The following TNNI3K variants were observed in gnomAD, a reference collection of about 807,000 sequenced individuals.
The protein encoded by TNNI3K is TNNI3 interacting kinase, also known as serine/threonine-protein kinase TNNI3K.
Under a neutral mutation model 114.5 loss-of-function variants are expected in TNNI3K, and 140 were observed. The observed-to-expected ratio is 1.22, with a 90% CI of 1.07 to 1.41. The LOEUF (loss-of-function observed/expected upper bound fraction) is 1.41. Among genes scored for constraint, TNNI3K ranks in the 40% most tolerant of loss-of-function variants. The pLI is 0.00. For missense variants in TNNI3K, 1,125 were observed against 1,007.6 expected (o/e 1.12, Z -1.58); for synonymous variants, 347 against 347.5 (o/e 1.00, Z 0.02).
chr1:74,265,760 C>A (rs564763514), intron 4 of TNNI3K, among the ~76,000 whole-genome samples: 29 of 151,924 alleles, frequency 1.9e-4, no homozygotes, highest in South Asian at 4.1e-4. Context: ...ATTTTACAGA[C>A]AAAAACTGGA....
chr1:74,439,702 C>T (rs1009327866), intron 20 of TNNI3K, 80 bp downstream of exon 20: 1 of 1,575,032 alleles, frequency 6.3e-7, no homozygotes, highest in African/African-American at 1.4e-5. Flanking sequence ...TTTTTTTTCA[C>T]AAAATGATTA....
At chr1:74,360,640 T>C (rs1397153510) in intron 11 of TNNI3K, among the ~76,000 whole-genome samples, 2 of 152,104 alleles carry the variant, frequency 1.3e-5, no homozygotes, top group Non-Finnish European at 2.9e-5. Context: ...TCTGCCTTTA[T>C]GTCCTCTCTG....
At chr1:74,370,537 GA>G in intron 17 of TNNI3K, 145 bp downstream of exon 17, 1 of 549,168 alleles carries the variant, frequency 1.8e-6, no homozygotes, top group Non-Finnish European at 2.9e-6. Context: ...TTAGGCGATA[GA>G]AAGTTTTGTC....
intron 5 of TNNI3K, among the ~76,000 whole-genome samples, chr1:74,319,332 T>C (rs1219506537): frequency 6.6e-6 from 1 of 152,242 alleles, no homozygotes; most frequent in Non-Finnish European, 1.5e-5. Flanking sequence ...AATCTTGTTG[T>C]AACCTATTCT....
At position 74,358,725 on chromosome 1, in the gene TNNI3K, G is replaced by T. The variant is rs1240834645; in HGVS notation, c.1177+4596G>T. On this transcript the variant is annotated intron_variant, in intron 11 of 24. Transcript: ENST00000326637. The stretch of plus-strand genomic sequence containing the variant: ...TGTGAATTTTTGTTTTCGTATACTG[G>T]TTATCTTCTTACATGTTTAGCTGCT... 2.0e-5 allele frequency among the ~76,000 whole-genome samples: 3 copies of T among 151,902 alleles called. No homozygotes were observed. In the South Asian group the frequency reaches 6.2e-4, roughly 32 times the overall value.
intron 5 of TNNI3K, among the ~76,000 whole-genome samples, chr1:74,288,909 T>C (rs1443463408): frequency 6.6e-6 from 1 of 151,986 alleles, no homozygotes; most frequent in African/African-American, 2.4e-5. Context: ...TTGTCAGTTA[T>C]ACCTCAATAA....
intron 5 of TNNI3K, among the ~76,000 whole-genome samples, chr1:74,278,837 A>G (rs1156760360): frequency 2.0e-5 from 3 of 152,172 alleles, no homozygotes; most frequent in Non-Finnish European, 4.4e-5. Context: ...GACATTTTAT[A>G]TAATTGGAAT....
chr1:74,313,658 A>G (rs1161238719), intron 5 of TNNI3K, among the ~76,000 whole-genome samples: 2 of 152,142 alleles, frequency 1.3e-5, no homozygotes, highest in Admixed American at 6.6e-5. Flanking sequence ...GAGTTGCCCT[A>G]CAGAGCTAGA....
intron 2 of TNNI3K, among the ~76,000 whole-genome samples, chr1:74,245,384 C>G (rs1285500134): frequency 1.3e-5 from 2 of 152,102 alleles, no homozygotes; most frequent in East Asian, 3.9e-4. Flanking sequence ...CCTTGAGAGC[C>G]ACAGGTAGCC....
chr1:74,511,286 G>C (rs577478862), intron 23 of TNNI3K, among the ~76,000 whole-genome samples: 5 of 151,602 alleles, frequency 3.3e-5, no homozygotes, highest in Admixed American at 6.6e-5. Flanking sequence ...TCTGCCTCCC[G>C]GGTTCAAGCA....
Position 74,369,438 on chromosome 1 carries a change from G to A in TNNI3K, c.1520G>A (p.Cys507Tyr), listed in dbSNP as rs1336275860. 1 of 1,612,306 alleles carries A rather than the reference G, an allele frequency of 6.2e-7. No individual in the cohort carries two copies. Among genetic ancestry groups the A allele is most frequent in the Non-Finnish European group, 8.5e-7 (1 of 1,179,072 alleles). ...TCCAAGTCAGATGTGGATATGTTTT[G>A]CCGAGAGGTGTCCATTCTCTGCCAG... The part of the protein sequence containing the change: ...YCSKSDVDMF[C>Y]REVSILCQLN... Residue 507 changes from cysteine to tyrosine, a missense_variant, in exon 16 of 25, where the codon TGC becomes TAC. Physicochemically the swap from Cys to Tyr is radical, Grantham distance 194. Transcript: ENST00000326637.
chr1:74,487,956 G>C (rs891454021), intron 21 of TNNI3K, among the ~76,000 whole-genome samples: 1 of 152,102 alleles, frequency 6.6e-6, no homozygotes, highest in Non-Finnish European at 1.5e-5. Flanking sequence ...GGTCATGACA[G>C]GGTCTAGGGT....
chr1:74,397,933 T>A (rs747571355), intron 17 of TNNI3K, among the ~76,000 whole-genome samples: 2 of 152,204 alleles, frequency 1.3e-5, no homozygotes, highest in Non-Finnish European at 2.9e-5. Flanking sequence ...AAATATTCCC[T>A]ATGGAGTGCT....
chr1:74,246,651 G>C (rs935328551), intron 2 of TNNI3K, among the ~76,000 whole-genome samples: 1 of 152,118 alleles, frequency 6.6e-6, no homozygotes, highest in African/African-American at 2.4e-5. Flanking sequence ...TATGTAACCA[G>C]CAGCCTAAGC....
chr1:74,297,822 T>C (rs1658088986), intron 5 of TNNI3K, among the ~76,000 whole-genome samples: 3 of 152,114 alleles, frequency 2.0e-5, no homozygotes, highest in Admixed American at 2.0e-4. Flanking sequence ...GAAAGTCACA[T>C]AGCATCACTT....
intron 5 of TNNI3K, among the ~76,000 whole-genome samples, chr1:74,297,506 G>T (rs930538352): frequency 8.0e-6 from 1 of 125,128 alleles, no homozygotes; most frequent in Non-Finnish European, 1.7e-5. Flanking sequence ...TTGGCATCTT[G>T]TCCAGTGTGT....
intron 12 of TNNI3K, 88 bp from the exon 13 acceptor site, chr1:74,367,820 C>T (rs540779331): frequency 2.3e-5 from 29 of 1,277,448 alleles, no homozygotes; most frequent in Middle Eastern, 2.6e-4. Context: ...TACTTCGTTT[C>T]GTCACCTGCT....
At chr1:74,430,322 A>G (rs72969825) in intron 17 of TNNI3K, among the ~76,000 whole-genome samples, 19 of 152,250 alleles carry the variant, frequency 1.2e-4, no homozygotes, top group African/African-American at 4.6e-4. Context: ...TCCTTACATA[A>G]TGACTTCATT....
chr1:74,483,205 G>A (rs1035736884), intron 21 of TNNI3K: 13 of 709,746 alleles, frequency 1.8e-5, no homozygotes, highest in African/African-American at 1.6e-4. Flanking sequence ...GAAAGGTATG[G>A]CAACCAATTT....
Sources: gnomAD v4.1 joint callset for allele counts (sites outside exome capture counted in the v4.1 genomes callset) on GRCh38, gnomAD v4.1.1 for gene constraint, MANE v1.5 for transcripts, NCBI Gene and HGNC (gene_info 2026-07-23, HGNC 2026-07-21) for gene names.